Variants in PARD3B observed in about 807,000 individuals in gnomAD.
PARD3B encodes the protein par-3 family cell polarity regulator beta, also known as partitioning defective 3 homolog B.
In PARD3B, 103 loss-of-function variants were observed where a neutral mutation model predicts 130.2. The ratio of observed to expected loss-of-function variants is 0.79; its 90% CI spans 0.67 to 0.93. The LOEUF (loss-of-function observed/expected upper bound fraction) is 0.93. Among genes scored for constraint, PARD3B ranks in the 40% least tolerant of loss-of-function variants. The probability of loss-of-function intolerance (pLI) is 0.00; values close to 1 mark genes in which losing one functional copy is unlikely to be tolerated. For synonymous variants in PARD3B, 583 were observed against 553.2 expected, an observed-to-expected ratio of 1.05 and a Z score of -0.76; for missense variants, 1,609 against 1,499.2, an observed-to-expected ratio of 1.07 and a Z score of -1.21.
intron 16 of PARD3B, among the ~76,000 whole-genome samples, chr2:205,298,361 C>T (rs1436883076): frequency 6.6e-6 from 1 of 152,104 alleles, no homozygotes; most frequent in African/African-American, 2.4e-5. Flanking sequence ...TCATCTTATT[C>T]AATTTCTGTT....
At chr2:204,807,796 C>T (rs1217258783) in intron 2 of PARD3B, among the ~76,000 whole-genome samples, 1 of 151,638 alleles carries the variant, frequency 6.6e-6, no homozygotes, top group Non-Finnish European at 1.5e-5. Context: ...AACAATTTAA[C>T]TTATGGAGAT....
At chr2:205,042,459 G>T (rs757281452) in intron 3 of PARD3B, among the ~76,000 whole-genome samples, 11 of 152,080 alleles carry the variant, frequency 7.2e-5, no homozygotes, top group Non-Finnish European at 1.2e-4. Flanking sequence ...TGTCAGTGGA[G>T]AATATTCTAG....
intron 1 of PARD3B, among the ~76,000 whole-genome samples, chr2:204,575,076 A>G (rs953885794): frequency 2.6e-5 from 4 of 152,174 alleles, no homozygotes; most frequent in Middle Eastern, 3.2e-3. Flanking sequence ...GTCATTAGCT[A>G]CAAGAAGACT....
intron 2 of PARD3B, among the ~76,000 whole-genome samples, chr2:204,919,668 C>A (rs150636605): frequency 1.4e-3 from 213 of 152,170 alleles, no homozygotes; most frequent in African/African-American, 4.7e-3. Context: ...GGGATTTTTC[C>A]AGTTTTGATT....
At chr2:204,551,615 T>C (rs981499324) in intron 1 of PARD3B, among the ~76,000 whole-genome samples, 5 of 152,070 alleles carry the variant, frequency 3.3e-5, no homozygotes, top group Non-Finnish European at 5.9e-5. Flanking sequence ...TCCATGCACA[T>C]AGGGTTTGCT....
rs1239776029 is a variant in PARD3B at position 205,288,336 on chromosome 2, C to T, written c.2186-12194C>T. Among the ~76,000 whole-genome samples, 2 of 152,054 alleles carry T rather than the reference C, an allele frequency of 1.3e-5. No homozygotes were observed. Among genetic ancestry groups the T allele is most frequent in the East Asian group, 1.9e-4 (1 of 5,178 alleles). On this transcript the variant is annotated intron_variant, in intron 16 of 22. Coordinates refer to ENST00000406610, the MANE Select transcript of PARD3B (RefSeq NM_001302769.2). The surrounding 1 kb of genome is among the most constrained non-coding windows in gnomAD (Gnocchi z 4.0). ...TTCATTTTGAGGACAGATGACTAAC[C>T]ATGCTAAAAATGTATATGAAGAAAT...
chr2:205,505,549 C>T (rs1167603682), intron 21 of PARD3B, among the ~76,000 whole-genome samples: 1 of 152,152 alleles, frequency 6.6e-6, no homozygotes, highest in African/African-American at 2.4e-5. Context: ...ACTTCAGTGG[C>T]TGCAAGTAAA....
intron 18 of PARD3B, among the ~76,000 whole-genome samples, chr2:205,331,862 C>T (rs1399182434): frequency 6.7e-6 from 1 of 148,646 alleles, no homozygotes; most frequent in Non-Finnish European, 1.5e-5. Flanking sequence ...AATCCCAGCA[C>T]TTTCAGAAGC....
rs995442895 is a variant in PARD3B at position 205,071,378 on chromosome 2, G to A, written c.504+23688G>A. Among the ~76,000 whole-genome samples, 12 of 152,300 alleles carry A rather than the reference G, an allele frequency of 7.9e-5. No homozygotes were observed. In the East Asian group the frequency reaches 2.3e-3, roughly 29 times the overall value. ...CCTAGAAACCAAACTCCGGTCCTAG[G>A]TGTGCATCTTGTTCCTGAGAACAAA... is the stretch of plus-strand genomic sequence containing the variant. On this transcript the variant is annotated intron_variant, in intron 4 of 22. Transcript: ENST00000406610.
intron 3 of PARD3B, among the ~76,000 whole-genome samples, chr2:204,986,503 A>G (rs1354533636): frequency 6.6e-6 from 1 of 152,176 alleles, no homozygotes; most frequent in African/African-American, 2.4e-5. Flanking sequence ...TAATCCATCA[A>G]ACTAAATGTA....
chr2:204,686,044 A>C, intron 1 of PARD3B, 137 bp from the exon 2 acceptor site: 1 of 607,018 alleles, frequency 1.6e-6, no homozygotes, highest in South Asian at 2.3e-5. Flanking sequence ...ATAAATAGAT[A>C]ACATTTGTTT....
intron 2 of PARD3B, among the ~76,000 whole-genome samples, chr2:204,766,444 A>T (rs932648861): frequency 6.6e-5 from 10 of 152,168 alleles, no homozygotes; most frequent in African/African-American, 2.4e-4. Context: ...CACCCATGGT[A>T]ACTATTGTCA....
rs1013387699 is a variant in PARD3B at position 205,395,708 on chromosome 2, G to A, written c.2631-5305G>A. Among the ~76,000 whole-genome samples the A allele has an allele frequency of 4.6e-5, 7 of 152,086 alleles. No individual in the cohort carries two copies. The South Asian group carries it at 6.2e-4, about 14-fold the overall frequency. ...GTTCAAGCCACTGTCATCTTTCACC[G>A]ATTCCTGCAGGGATCCCCAGTCAGT... On this transcript the variant is annotated intron_variant, in intron 18 of 22. Transcript: ENST00000406610.
chr2:205,505,864 C>A (rs950521470), intron 21 of PARD3B, among the ~76,000 whole-genome samples: 7 of 151,926 alleles, frequency 4.6e-5, no homozygotes, highest in Non-Finnish European at 1.0e-4. Context: ...TATCATTATC[C>A]CCCCGCCCAA....
chr2:204,743,721 A>G (rs2040104374), intron 2 of PARD3B, among the ~76,000 whole-genome samples: 3 of 151,626 alleles, frequency 2.0e-5, no homozygotes, highest in African/African-American at 7.3e-5. Flanking sequence ...TTTCCATGTA[A>G]CTCTGACACA....
intron 21 of PARD3B, among the ~76,000 whole-genome samples, chr2:205,515,843 T>C (rs978104790): frequency 6.6e-6 from 1 of 152,204 alleles, no homozygotes; most frequent in African/African-American, 2.4e-5. Context: ...GTGATTGCTT[T>C]TGCTGTCTTT....
rs375301293 is a variant in PARD3B, at chr2:205,150,252, T to TGTGTGTGCGC, written c.1435-8469_1435-8468insTGTGTGCGCG. On this transcript the variant is annotated intron_variant, in intron 10 of 22. Transcript: ENST00000406610. ...GTGTGTGTGTGTGTGTGTGTGTGTGTGCACACACGCTTGAAATCTGTGAGT... is the reference window on the plus strand; with the variant it reads ...GTGTGTGTGTGTGTGTGTGTGTGTGTGTGTGTGCGCGCACACACGCTTGAAATCTGTGAGT... 5.9e-3 allele frequency among the ~76,000 whole-genome samples: 866 copies of TGTGTGTGCGC among 145,856 alleles called. 14 individuals carry two copies. Among genetic ancestry groups the TGTGTGTGCGC allele is most frequent in the South Asian group, 0.017 (78 of 4,572 alleles).
chr2:205,262,645 T>C (rs1226601774), intron 16 of PARD3B, among the ~76,000 whole-genome samples: 2 of 152,092 alleles, frequency 1.3e-5, no homozygotes, highest in East Asian at 3.9e-4. Context: ...AAGACAACGA[T>C]TTTCTTGTGA....
At position 205,561,420 on chromosome 2, in the gene PARD3B, G is replaced by T. The variant is rs938602968; in HGVS notation, c.3260+8017G>T. Among the ~76,000 whole-genome samples, 3 of 152,284 alleles carry T rather than the reference G, an allele frequency of 2.0e-5. No homozygotes were observed. In the East Asian group the frequency reaches 5.8e-4, roughly 29 times the overall value. On this transcript the variant is annotated intron_variant, in intron 22 of 22. Coordinates refer to ENST00000406610, the MANE Select transcript of PARD3B (RefSeq NM_001302769.2). ...TAGGTAAACAGGTGTGTGAGTGCTTGTCTGGGTGTGGGTAGAGGTTTGACT... is the reference window on the plus strand; with the variant it reads ...TAGGTAAACAGGTGTGTGAGTGCTTTTCTGGGTGTGGGTAGAGGTTTGACT...
Sources: allele counts gnomAD v4.1 joint callset (sites outside exome capture counted in the v4.1 genomes callset), GRCh38; gene constraint gnomAD v4.1.1; non-coding constraint Gnocchi (gnomAD v3.1); transcripts MANE v1.5; gene names NCBI Gene and HGNC (gene_info 2026-07-23, HGNC 2026-07-21).